Variants in SLC39A11 observed in about 807,000 individuals in gnomAD.
SLC39A11 encodes solute carrier family 39 member 11.
A neutral mutation model predicts 36.1 loss-of-function variants in SLC39A11; 33 were observed. The ratio of observed to expected loss-of-function variants is 0.91; its 90% CI spans 0.69 to 1.22. The LOEUF is 1.22. Ranked by LOEUF, SLC39A11 falls within the 50% of genes most tolerant of loss-of-function variation. SLC39A11 has a pLI of 0.00. For synonymous variants in SLC39A11, 166 were observed against 170.3 expected, an observed-to-expected ratio of 0.97 and a Z score of 0.20; for missense variants, 432 against 430.3, an observed-to-expected ratio of 1.00 and a Z score of -0.03.
chr17:72,786,820 A>AT (rs1192468507), intron 6 of SLC39A11, among the ~76,000 whole-genome samples: 1 of 150,616 alleles, frequency 6.6e-6, no homozygotes, highest in Non-Finnish European at 1.5e-5. Flanking sequence ...TCCCATATCT[A>AT]TTTTTCTTGT....
chr17:72,835,191 A>G (rs1169495464), intron 6 of SLC39A11, among the ~76,000 whole-genome samples: 1 of 152,262 alleles, frequency 6.6e-6, no homozygotes, highest in Non-Finnish European at 1.5e-5. Context: ...CAGGCTTCCC[A>G]CTGAGATACT....
At chr17:73,024,864 A>ATTTTTTTTATTT (rs2058476029) in intron 4 of SLC39A11, among the ~76,000 whole-genome samples, 1 of 97,900 alleles carries the variant, frequency 1.0e-5, no homozygotes, top group Non-Finnish European at 1.9e-5. Flanking sequence ...TGCCCAGCTA[A>ATTTTTTTTATTT]TTTTTTTTTT....
At chr17:72,908,673 C>T (rs1051830287) in intron 5 of SLC39A11, among the ~76,000 whole-genome samples, 2 of 152,204 alleles carry the variant, frequency 1.3e-5, no homozygotes, top group Non-Finnish European at 2.9e-5. Flanking sequence ...GACGGGCATG[C>T]TGTAGGGGTG....
chr17:72,849,810 CA>C lies in SLC39A11; in HGVS notation c.431-7del, dbSNP rs34998299. 96,704 of 1,191,410 alleles carry C rather than the reference CA, an allele frequency of 0.081. 1 individual carries two copies. Among genetic ancestry groups the C allele is most frequent in the Non-Finnish European group, 0.089 (80,684 of 910,648 alleles). 73.8% of individuals were successfully genotyped at this position (1,191,410 alleles called of 1,614,324 possible). ...CTCACCATTCTCACTCTTGTCTGAG[CA>C]AAAAAAAAAAAAAAGAGAGATGGGG... On this transcript the variant is annotated splice_polypyrimidine_tract_variant and splice_region_variant and intron_variant, in intron 5 of 9. Transcript: ENST00000255559.
At chr17:72,668,428 A>T (rs1249392545) in intron 7 of SLC39A11, among the ~76,000 whole-genome samples, 3 of 152,134 alleles carry the variant, frequency 2.0e-5, no homozygotes, top group Non-Finnish European at 4.4e-5. Context: ...CCAATGTAAT[A>T]CTTTTATCTC....
intron 6 of SLC39A11, among the ~76,000 whole-genome samples, chr17:72,798,748 A>G (rs2076984885): frequency 6.6e-6 from 1 of 151,824 alleles, no homozygotes; most frequent in African/African-American, 2.4e-5. Context: ...ACCTCATCTA[A>G]ACCTAATCAC....
chr17:72,897,052 CA>C (rs10656675), intron 5 of SLC39A11, among the ~76,000 whole-genome samples: 34 of 64,166 alleles, frequency 5.3e-4, no homozygotes, highest in East Asian at 1.4e-3. Flanking sequence ...GACTCTGTCT[CA>C]AAAAAAAAAA....
intron 7 of SLC39A11, among the ~76,000 whole-genome samples, chr17:72,687,599 A>C (rs1567946848): frequency 6.6e-6 from 1 of 152,158 alleles, no homozygotes; most frequent in Non-Finnish European, 1.5e-5. Flanking sequence ...CACCCACCAT[A>C]AACTGTAGAA....
At position 72,883,666 on chromosome 17, in the gene SLC39A11, A is replaced by G. The variant is rs1008845362; in HGVS notation, c.431-33862T>C. On this transcript the variant is annotated intron_variant, in intron 5 of 9. Coordinates refer to ENST00000255559, the MANE Select transcript of SLC39A11 (RefSeq NM_139177.4). ...GAATCCCATTCATTTGTAAGGGAGA[A>G]ACAGCCAATAAAAATGTATTCTTGT... Among the ~76,000 whole-genome samples the G allele has an allele frequency of 8.5e-5, 13 of 152,188 alleles. 1 individual carries two copies. The highest frequency in any genetic ancestry group is 1.5e-5 in the Non-Finnish European group (1 of 68,038).
Position 73,031,547 on chromosome 17 carries a change from G to A in SLC39A11, c.306+9C>T. ...CCGATACGACAGCTAAAAGTAGAGT[G>A]GTACTCACCAAGTGAGGCATCAGGA... On this transcript the variant is annotated intron_variant, in intron 4 of 9. Transcript: ENST00000255559. 6.2e-7 allele frequency: 1 copy of A among 1,614,048 alleles called. No homozygotes were observed. The highest frequency in any genetic ancestry group is 8.5e-7 in the Non-Finnish European group (1 of 1,179,974).
At chr17:73,029,829 G>A (rs917535781) in intron 4 of SLC39A11, among the ~76,000 whole-genome samples, 11 of 152,074 alleles carry the variant, frequency 7.2e-5, no homozygotes, top group Non-Finnish European at 1.3e-4. Flanking sequence ...TGATCTGCCC[G>A]CCTCAGACTC....
At chr17:72,892,168 G>A (rs562047406) in intron 5 of SLC39A11, among the ~76,000 whole-genome samples, 165 of 152,270 alleles carry the variant, frequency 1.1e-3, no homozygotes, top group African/African-American at 3.6e-3. Context: ...TGTAATCTGG[G>A]AGGCCGAGGT....
chr17:72,840,494 C>G (rs925673881), intron 6 of SLC39A11, among the ~76,000 whole-genome samples: 2 of 152,226 alleles, frequency 1.3e-5, no homozygotes, highest in African/African-American at 4.8e-5. Context: ...AGTGGTGGCT[C>G]ACACCTGTAA....
At position 73,092,600 on chromosome 17, in the gene SLC39A11, A is replaced by AGCCAACTCACTAGGGT. The variant is rs1353109412; in HGVS notation, c.-17_-12+10dup. ...AACCAAAGGCACCGAAGGAGAGAAA[A>AGCCAACTCACTAGGGT]GCCAACTCACTAGGGTGCCCTCTCC... On this transcript the variant is annotated intron_variant, in intron 1 of 9. Transcript: ENST00000255559. The AGCCAACTCACTAGGGT allele has an allele frequency of 1.3e-5, 2 of 152,750 alleles. No individual in the cohort carries two copies. The highest frequency in any genetic ancestry group is 3.8e-4 in the East Asian group (2 of 5,210). The allele number at this position is 152,750 out of a possible 1,614,324, so 9.5% of individuals were successfully genotyped here.
At chr17:72,743,579 G>A (rs1449052339) in intron 6 of SLC39A11, among the ~76,000 whole-genome samples, 2 of 152,168 alleles carry the variant, frequency 1.3e-5, no homozygotes, top group East Asian at 1.9e-4. Context: ...AGGAAGAAGA[G>A]GTCCTGGGGG....
At chr17:72,977,353 G>A (rs997451942) in intron 4 of SLC39A11, among the ~76,000 whole-genome samples, 6 of 152,192 alleles carry the variant, frequency 3.9e-5, no homozygotes, top group South Asian at 2.1e-4. Flanking sequence ...GAACACGACC[G>A]GCTGACCCAC....
At chr17:72,969,137 G>A (rs1380330188) in intron 4 of SLC39A11, among the ~76,000 whole-genome samples, 1 of 152,188 alleles carries the variant, frequency 6.6e-6, no homozygotes, top group African/African-American at 2.4e-5. Context: ...ATTGCAGGAA[G>A]GTTACAGGGT....
intron 7 of SLC39A11, among the ~76,000 whole-genome samples, chr17:72,716,968 CAAAA>C (rs761854832): frequency 9.9e-5 from 9 of 90,494 alleles, no homozygotes; most frequent in African/African-American, 3.4e-4. Context: ...GACCCTGTCT[CAAAA>C]AAAAAAAAAT....
chr17:72,752,774 T>C (rs1457778466), intron 6 of SLC39A11, among the ~76,000 whole-genome samples: 1 of 152,188 alleles, frequency 6.6e-6, no homozygotes, highest in Non-Finnish European at 1.5e-5. Context: ...AATTCCATTC[T>C]CATTTCCTTG....
Sources: allele counts gnomAD v4.1 joint callset (sites outside exome capture counted in the v4.1 genomes callset), GRCh38; gene constraint gnomAD v4.1.1; transcripts MANE v1.5; gene names NCBI Gene and HGNC (gene_info 2026-07-23, HGNC 2026-07-21).